The following DENND3 variants were observed in gnomAD, a reference collection of about 807,000 sequenced individuals.
DENND3 encodes the protein DENN domain containing 3, also known as DENN domain-containing protein 3.
A neutral mutation model predicts 135.1 loss-of-function variants in DENND3; 88 were observed. The observed-to-expected ratio is 0.65, with a 90% CI of 0.55 to 0.78. The LOEUF (loss-of-function observed/expected upper bound fraction) is 0.78. Ranked by LOEUF, DENND3 falls within the 30% of genes least tolerant of loss-of-function variation. DENND3 has a pLI of 0.00. For synonymous variants in DENND3, 693 were observed against 712.3 expected (o/e 0.97, Z 0.43); for missense variants, 1,392 against 1,688.4 (o/e 0.82, Z 3.08).
intron 9 of DENND3, among the ~76,000 whole-genome samples, chr8:141,161,233 C>G (rs1377990984): frequency 6.6e-6 from 1 of 152,218 alleles, no homozygotes. Flanking sequence ...TCCCGAGAGG[C>G]CTGCATCCAG....
chr8:141,192,292 G>C, intron 20 of DENND3, 39 bp from the exon 21 acceptor site: 1 of 1,608,500 alleles, frequency 6.2e-7, no homozygotes. Flanking sequence ...TGTTGCCAAT[G>C]ACACTGCCTG....
chr8:141,175,291 G>A lies in DENND3; in HGVS notation c.2367G>A (p.Pro789=), dbSNP rs775860358. 4 of 1,614,242 alleles carry A rather than the reference G, an allele frequency of 2.5e-6. No individual in the cohort carries two copies. The highest frequency in any genetic ancestry group is 2.2e-5 in the South Asian group (2 of 91,082). The stretch of plus-strand genomic sequence containing the variant: ...CAGAAGCCCAGGAGGTCAGTCTGCC[G>A]TGGCTGGTGATGGAACACCTGGATA... The part of the protein sequence containing the change: ...TEAEAQEVSL[P]WLVMEHLDKN... The change falls in exon 14 of 23, where the codon CCG becomes CCA. Residue 789 remains proline (P), a synonymous_variant. Transcript: ENST00000519811. This position sits in a 1 kb window ranked among gnomAD's most constrained non-coding sequence, Gnocchi z 5.4.
chr8:141,177,443 C>A (rs756148427), intron 15 of DENND3: 22 of 152,498 alleles, frequency 1.4e-4, no homozygotes, highest in African/African-American at 4.8e-4. Flanking sequence ...AGGTGTGTAG[C>A]CCCACTAATC....
chr8:141,133,377 A>G (rs1337652160), intron 1 of DENND3, among the ~76,000 whole-genome samples: 1 of 151,930 alleles, frequency 6.6e-6, no homozygotes, highest in East Asian at 1.9e-4. Flanking sequence ...CGAAACAAAC[A>G]CTCTTTGCTT....
At chr8:141,157,654 C>T in intron 8 of DENND3, 1 of 985,966 alleles carries the variant, frequency 1.0e-6, no homozygotes, top group Non-Finnish European at 1.2e-6. Context: ...AGGGCGGTTT[C>T]TGGCCTGGCC....
At chr8:141,176,815 C>T (rs1033549584) in intron 15 of DENND3, 54 bp downstream of exon 15, 11 of 1,589,508 alleles carry the variant, frequency 6.9e-6, no homozygotes, top group East Asian at 2.2e-5. Flanking sequence ...AGGGGCCTCT[C>T]GCCACCTGTG....
chr8:141,156,993 A>G (rs1183929746), intron 8 of DENND3, among the ~76,000 whole-genome samples: 2 of 151,968 alleles, frequency 1.3e-5, no homozygotes, highest in African/African-American at 4.8e-5. Context: ...TATGTTGGCC[A>G]GGCTGGTCTT....
chr8:141,184,912 G>A (rs1229326647), intron 17 of DENND3: 1 of 502,624 alleles, frequency 2.0e-6, no homozygotes, highest in Non-Finnish European at 3.5e-6. Flanking sequence ...TCTGCCTGCG[G>A]CTCTGACCCT....
At chr8:141,187,626 T>C (rs938413937) in intron 18 of DENND3, among the ~76,000 whole-genome samples, 1 of 150,412 alleles carries the variant, frequency 6.6e-6, no homozygotes, top group Non-Finnish European at 1.5e-5. Context: ...ACAAATACTG[T>C]GAACTCAAAT....
At chr8:141,173,101 C>A (rs968275835) in intron 13 of DENND3, among the ~76,000 whole-genome samples, 10 of 108,564 alleles carry the variant, frequency 9.2e-5, no homozygotes, top group African/African-American at 4.1e-4. Context: ...CTCTGGCAAA[C>A]AATCTTAGGT....
At chr8:141,142,275 AG>A (rs1431375690) in intron 4 of DENND3, 5 of 433,336 alleles carry the variant, frequency 1.2e-5, no homozygotes, top group Non-Finnish European at 2.3e-5. Flanking sequence ...TTACAGTCTG[AG>A]AATTTATATT....
intron 9 of DENND3, 84 bp from the exon 10 acceptor site, chr8:141,163,249 A>T (rs1271284688): frequency 2.7e-6 from 2 of 729,670 alleles, no homozygotes; most frequent in Non-Finnish European, 2.3e-6. Flanking sequence ...TATCTCTTCT[A>T]ACCATTTCTC....
intron 13 of DENND3, among the ~76,000 whole-genome samples, chr8:141,169,007 C>G (rs1224517111): frequency 6.6e-6 from 1 of 152,012 alleles, no homozygotes; most frequent in Non-Finnish European, 1.5e-5. Flanking sequence ...TATAGGCATG[C>G]GCCTCCACAC....
At chr8:141,153,753 G>A (rs191375065) in intron 7 of DENND3, among the ~76,000 whole-genome samples, 2 of 152,366 alleles carry the variant, frequency 1.3e-5, no homozygotes, top group East Asian at 1.9e-4. Flanking sequence ...AAGCTGTGTT[G>A]TGAAGTTTAA....
intron 22 of DENND3, chr8:141,193,200 A>C (rs141468434): frequency 9.3e-4 from 160 of 172,880 alleles, no homozygotes; most frequent in African/African-American, 3.6e-3. Flanking sequence ...ACTTCCAAAG[A>C]AGCTCACATT....
In DENND3 at chr8:141,162,205, C is replaced by T. The variant is rs145025217; in HGVS notation, c.1353-1128C>T. 2.6e-5 allele frequency among the ~76,000 whole-genome samples: 4 copies of T among 152,310 alleles called. No homozygotes were observed. In the East Asian group the frequency reaches 7.7e-4, roughly 29 times the overall value. On this transcript the variant is annotated intron_variant, in intron 9 of 22. Transcript: ENST00000519811. ...ACAGACATGTGATATTATCTCTGCTCAAAGAGGCATAATTAGTGGGGTCCT... is the reference window on the plus strand; with the variant it reads ...ACAGACATGTGATATTATCTCTGCTTAAAGAGGCATAATTAGTGGGGTCCT...
chr8:141,155,247 T>C (rs568488095), intron 7 of DENND3, among the ~76,000 whole-genome samples: 1 of 152,232 alleles, frequency 6.6e-6, no homozygotes, highest in Non-Finnish European at 1.5e-5. Flanking sequence ...ACGCTTAACA[T>C]TGGTTACGTT....
At chr8:141,157,980 G>A (rs1310224003) in intron 8 of DENND3, 19 of 1,072,570 alleles carry the variant, frequency 1.8e-5, no homozygotes, top group Middle Eastern at 4.4e-4. Flanking sequence ...GGCTGGTCTC[G>A]AACTCCTGAC....
At chr8:141,186,385 C>G (rs1442457686) in intron 18 of DENND3, among the ~76,000 whole-genome samples, 1 of 152,222 alleles carries the variant, frequency 6.6e-6, no homozygotes, top group Admixed American at 6.5e-5. Flanking sequence ...TCAGTGTCCA[C>G]TCGTCACACA....
Sources: allele counts gnomAD v4.1 joint callset (sites outside exome capture counted in the v4.1 genomes callset), GRCh38; gene constraint gnomAD v4.1.1; non-coding constraint Gnocchi (gnomAD v3.1); transcripts MANE v1.5; gene names NCBI Gene and HGNC (gene_info 2026-07-23, HGNC 2026-07-21).